Variants in COL16A1 observed in about 807,000 individuals in gnomAD.
COL16A1 encodes the protein collagen type XVI alpha 1 chain, also known as collagen alpha-1(XVI) chain.
Under a neutral mutation model 266.3 loss-of-function variants are expected in COL16A1, and 189 were observed. That is an observed-to-expected ratio of 0.71 (90% CI 0.63 to 0.80). The LOEUF (loss-of-function observed/expected upper bound fraction) is 0.80, where lower values mean the gene tolerates loss of function less well. Ranked by LOEUF, COL16A1 falls within the 30% of genes least tolerant of loss-of-function variation. The pLI, the probability that COL16A1 is intolerant of heterozygous loss-of-function variation, is 0.00. For missense variants in COL16A1, 1,928 were observed against 2,122.4 expected, an observed-to-expected ratio of 0.91 and a Z score of 1.80; for synonymous variants, 740 against 782.3, an observed-to-expected ratio of 0.95 and a Z score of 0.90.
chr1:31,655,581 A>C (rs1570330559), intron 66 of COL16A1, 79 bp from the exon 67 acceptor site: 2 of 1,574,132 alleles, frequency 1.3e-6, no homozygotes. Flanking sequence ...CCACCCTCCC[A>C]CCAGGCCCCC....
At chr1:31,655,801 C>T in intron 66 of COL16A1, 1 of 415,128 alleles carries the variant, frequency 2.4e-6, no homozygotes, top group Non-Finnish European at 4.3e-6. Flanking sequence ...CCTTCCTCAG[C>T]CTCCTCTCCC....
At chr1:31,692,922 G>A (rs1644338604) in intron 13 of COL16A1, 114 bp from the exon 14 acceptor site, 5 of 1,132,188 alleles carry the variant, frequency 4.4e-6, no homozygotes, top group Non-Finnish European at 6.5e-6. Flanking sequence ...CTAGAAAAGG[G>A]GGGCTTCTAC....
intron 23 of COL16A1, 104 bp downstream of exon 23, chr1:31,689,637 A>T (rs1261807857): frequency 1.1e-6 from 1 of 883,954 alleles, no homozygotes; most frequent in African/African-American, 1.7e-5. Context: ...CTCTGTAGCC[A>T]CGAGAAGTAC....
rs1488055180 is a variant in COL16A1 at position 31,668,732 on chromosome 1, G to C, written c.3249+70C>G. 18 of 1,561,324 alleles carry C rather than the reference G, an allele frequency of 1.2e-5. No homozygotes were observed. Among genetic ancestry groups the C allele is most frequent in the Non-Finnish European group, 1.5e-5 (17 of 1,132,928 alleles). The stretch of plus-strand genomic sequence containing the variant: ...TTCCACTCAGCAGCCACCCTTCAGA[G>C]CTCAAGCTCTGCCTCCCCAGCTCTT... On this transcript the variant is annotated intron_variant, in intron 50 of 70. Transcript: ENST00000373672. The surrounding 1 kb of genome is among the most constrained non-coding windows in gnomAD (Gnocchi z 5.8).
At position 31,696,063 on chromosome 1, in the gene COL16A1, C is replaced by T. The variant is rs181283343; in HGVS notation, c.918+25G>A. The T allele has an allele frequency of 2.0e-4, 323 of 1,587,504 alleles. 1 individual carries two copies. Among genetic ancestry groups the T allele is most frequent in the African/African-American group, 2.0e-3 (151 of 74,506 alleles). ...AGAGGGCAGACTGAGGGCAGGTAGG[C>T]TCCTCCCCCCACCCCCACCTCTACC... is the stretch of plus-strand genomic sequence containing the variant. On this transcript the variant is annotated intron_variant, in intron 9 of 70. Coordinates refer to ENST00000373672, the MANE Select transcript of COL16A1 (RefSeq NM_001856.4).
At chr1:31,655,526 T>C in intron 66 of COL16A1, 24 bp from the exon 67 acceptor site, 1 of 1,610,732 alleles carries the variant, frequency 6.2e-7, no homozygotes, top group Non-Finnish European at 8.5e-7. Flanking sequence ...TACTTAGTGC[T>C]GTCAAATTTA....
Position 31,662,702 on chromosome 1 carries a change from C to T in COL16A1, c.3556-44G>A, listed in dbSNP as rs567576804. 13 of 1,273,178 alleles carry T rather than the reference C, an allele frequency of 1.0e-5. No individual in the cohort carries two copies. The African/African-American group carries it at 2.0e-4, about 19-fold the overall frequency. 78.9% of individuals were successfully genotyped at this position (1,273,178 alleles called of 1,614,324 possible). On this transcript the variant is annotated intron_variant, in intron 56 of 70. Coordinates refer to ENST00000373672, the MANE Select transcript of COL16A1 (RefSeq NM_001856.4). Reference sequence around the variant, plus strand: ...CCCCCCCCCCGCCCCACAATAAAGTCAGCAGGGCTTTGCCCCACCCATGGA... The same window carrying T: ...CCCCCCCCCCGCCCCACAATAAAGTTAGCAGGGCTTTGCCCCACCCATGGA...
rs1570595580 is a variant in COL16A1 at position 31,697,781 on chromosome 1, A to T, written c.657+125T>A. The T allele has an allele frequency of 5.9e-6, 7 of 1,186,182 alleles. No homozygotes were observed. Among genetic ancestry groups the T allele is most frequent in the Middle Eastern group, 3.0e-4 (1 of 3,372 alleles). 73.5% of individuals were successfully genotyped at this position (1,186,182 alleles called of 1,614,324 possible). ...GTGAATATGTTTAGGCTGCATTTGG[A>T]GGGCAACAGGAAAGCAGGGGAAGAT... is the stretch of plus-strand genomic sequence containing the variant. On this transcript the variant is annotated intron_variant, in intron 6 of 70. Transcript: ENST00000373672. The surrounding 1 kb of genome is among the most constrained non-coding windows in gnomAD (Gnocchi z 4.2).
intron 23 of COL16A1, chr1:31,689,538 AG>A (rs1398457297): frequency 1.7e-6 from 1 of 599,906 alleles, no homozygotes; most frequent in African/African-American, 1.9e-5. Flanking sequence ...GTTGCCATGG[AG>A]ACCGGAGGTG....
rs1192437417 is a variant in COL16A1, at chr1:31,698,972, G to A, written c.267-366C>T. On this transcript the variant is annotated intron_variant, in intron 4 of 70. Coordinates refer to ENST00000373672, the MANE Select transcript of COL16A1 (RefSeq NM_001856.4). The surrounding 1 kb of genome is among the most constrained non-coding windows in gnomAD (Gnocchi z 4.1). ...TCGCCAGGTGTAGTGGCAGGCGCCT[G>A]TAATCCCAGCTACCCGGGAGGCTGA... Among the ~76,000 whole-genome samples, 3 of 152,152 alleles carry A rather than the reference G, an allele frequency of 2.0e-5. No individual in the cohort carries two copies. Among genetic ancestry groups the A allele is most frequent in the South Asian group, 2.1e-4 (1 of 4,822 alleles).
At chr1:31,661,373 G>T (rs776172027) in intron 60 of COL16A1, 41 bp downstream of exon 60, 4 of 1,613,776 alleles carry the variant, frequency 2.5e-6, no homozygotes, top group South Asian at 2.2e-5. Context: ...GCCTTCAGGA[G>T]AGCAGAGATA....
At chr1:31,694,749 G>A (rs184253102) in intron 11 of COL16A1, among the ~76,000 whole-genome samples, 1 of 152,192 alleles carries the variant, frequency 6.6e-6, no homozygotes, top group Admixed American at 6.5e-5. Context: ...GCTGGACCAG[G>A]GCCAGCTAGA....
Position 31,672,776 on chromosome 1 carries a change from T to A in COL16A1, c.2924A>T (p.Glu975Val). ...ACCAGGGATGCCCTGGTCTCCCTTC[T>A]CTCCCTTCTCCACGAGGTACCCTGG... ...AHPGYLVEKG[E>V]KGDQGIPGVP... Residue 975 changes from glutamate (E) to valine (V), a missense_variant, in exon 45 of 71, where the codon GAG (glutamate) becomes GTG (valine). This residue lies in a region of COL16A1 where 1,552 missense variants were observed against 1,637.2 expected (regional missense o/e 0.95). Coordinates refer to ENST00000373672, the MANE Select transcript of COL16A1 (RefSeq NM_001856.4). 4 of 1,614,150 alleles carry A rather than the reference T, an allele frequency of 2.5e-6. No homozygotes were observed. In the South Asian group the frequency reaches 4.4e-5, roughly 18 times the overall value.
Position 31,684,154 on chromosome 1 carries a change from G to A in COL16A1, c.2238C>T (p.Pro746=). The A allele has an allele frequency of 2.6e-6, 4 of 1,550,830 alleles. No individual in the cohort carries two copies. Among genetic ancestry groups the A allele is most frequent in the Non-Finnish European group, 2.6e-6 (3 of 1,146,774 alleles). ...DMAGRPGQPG[P]KGEQGPEGVG... is the part of the protein sequence containing the mutation. ...CGCCTTCGGGGCCCTGCTCTCCTTTGGGGCCGGGCTGCCCAGGCCGTCCTG... is the reference window on the plus strand; with the variant it reads ...CGCCTTCGGGGCCCTGCTCTCCTTTAGGGCCGGGCTGCCCAGGCCGTCCTG... The change falls in exon 32 of 71, where the codon CCC becomes CCT. Residue 746 remains proline (P), a synonymous_variant. Transcript: ENST00000373672.
intron 44 of COL16A1, 31 bp from the exon 45 acceptor site, chr1:31,672,871 C>T: frequency 1.2e-6 from 2 of 1,606,974 alleles, no homozygotes; most frequent in Non-Finnish European, 1.7e-6. Flanking sequence ...GGAGTGGGGC[C>T]TGGGTTAGAG....
intron 62 of COL16A1, among the ~76,000 whole-genome samples, 181 bp downstream of exon 62, chr1:31,660,404 G>A (rs1219044253): frequency 6.6e-6 from 1 of 152,192 alleles, no homozygotes; most frequent in African/African-American, 2.4e-5. Context: ...ACTTGAATGT[G>A]CCCAGAAAAT....
At chr1:31,682,063 TG>T (rs1557659876) in intron 37 of COL16A1, among the ~76,000 whole-genome samples, 1 of 152,230 alleles carries the variant, frequency 6.6e-6, no homozygotes, top group Non-Finnish European at 1.5e-5. Flanking sequence ...ATTACGCATT[TG>T]CCCACCGCCT....
rs367850042 is a variant in COL16A1, at chr1:31,702,251, G to A, written c.-34-24C>T. 64 of 1,611,516 alleles carry A rather than the reference G, an allele frequency of 4.0e-5. No individual in the cohort carries two copies. The East Asian group carries it at 6.9e-4, about 17-fold the overall frequency. On this transcript the variant is annotated intron_variant, in intron 1 of 70. Coordinates refer to ENST00000373672, the MANE Select transcript of COL16A1 (RefSeq NM_001856.4). ...ACCTGAAAACCACAGAGACCGGGAA[G>A]GCGGATTTCTGAGTTCACACAGCAC...
intron 44 of COL16A1, among the ~76,000 whole-genome samples, chr1:31,674,370 G>A (rs1183485448): frequency 6.6e-6 from 1 of 152,242 alleles, no homozygotes; most frequent in Non-Finnish European, 1.5e-5. Flanking sequence ...GTTTCTAGAG[G>A]TGACTAAGCA....
Sources: gnomAD v4.1 joint callset for allele counts (sites outside exome capture counted in the v4.1 genomes callset) on GRCh38, gnomAD v4.1.1 for gene constraint, gnomAD v4.1.1 regional missense constraint, Gnocchi (gnomAD v3.1) non-coding constraint, MANE v1.5 for transcripts, NCBI Gene and HGNC (gene_info 2026-07-23, HGNC 2026-07-21) for gene names.